Variants in ZC3H13 observed in about 807,000 individuals in gnomAD.
ZC3H13 encodes the protein zinc finger CCCH domain-containing protein 13.
ZC3H13 carries 64 observed loss-of-function variants against 204.1 expected under a neutral mutation model. That is an observed-to-expected ratio of 0.31 (90% CI 0.26 to 0.39). The LOEUF (loss-of-function observed/expected upper bound fraction) is 0.39. Among genes scored for constraint, ZC3H13 ranks in the 10% least tolerant of loss-of-function variants. The probability of loss-of-function intolerance (pLI) is 1.00; values close to 1 mark genes in which losing one functional copy is unlikely to be tolerated. For synonymous variants in ZC3H13, 667 were observed against 693.7 expected (o/e 0.96, Z 0.60); for missense variants, 1,833 against 2,082.7 (o/e 0.88, Z 2.33).
intron 8 of ZC3H13, among the ~76,000 whole-genome samples, chr13:45,998,070 C>T (rs1039219601): frequency 1.3e-5 from 2 of 152,182 alleles, no homozygotes; most frequent in African/African-American, 2.4e-5. Context: ...ACTACTAATA[C>T]GCCCATTATG....
chr13:46,022,958 T>C (rs1280445431), intron 4 of ZC3H13, among the ~76,000 whole-genome samples: 1 of 152,174 alleles, frequency 6.6e-6, no homozygotes, highest in Admixed American at 6.5e-5. Context: ...TACATGATTT[T>C]AGATGTTTAT....
At chr13:46,039,184 T>A (rs956965130) in intron 4 of ZC3H13, among the ~76,000 whole-genome samples, 1 of 152,172 alleles carries the variant, frequency 6.6e-6, no homozygotes, top group Non-Finnish European at 1.5e-5. Context: ...GGCTTTCTCA[T>A]CTAGGGAAAG....
intron 4 of ZC3H13, among the ~76,000 whole-genome samples, chr13:46,036,847 T>C (rs1159349638): frequency 3.3e-5 from 5 of 152,024 alleles, no homozygotes; most frequent in Non-Finnish European, 4.4e-5. Context: ...GCCTCCCGAG[T>C]AGCTGGGATT....
chr13:46,011,620 CTTT>C, intron 5 of ZC3H13, 66 bp from the exon 6 acceptor site: 1 of 1,259,724 alleles, frequency 7.9e-7, no homozygotes, highest in Non-Finnish European at 1.1e-6. Flanking sequence ...ATCATACAGA[CTTT>C]TTTCAACTAA....
rs1029723471 is a variant in ZC3H13, at chr13:45,955,190, T to C, written c.*1937A>G. Reference sequence around the variant, plus strand: ...TGTTTTTCGGGAATACCAGTTTAACTGAGACTTTAATTATGGTCCAAGAGC... The same window carrying C: ...TGTTTTTCGGGAATACCAGTTTAACCGAGACTTTAATTATGGTCCAAGAGC... On this transcript the variant is annotated 3_prime_UTR_variant, in exon 19 of 19. Coordinates refer to ENST00000679008, the MANE Select transcript of ZC3H13 (RefSeq NM_001330564.2). 4 of 152,190 alleles carry C rather than the reference T, an allele frequency of 2.6e-5. No individual in the cohort carries two copies. The highest frequency in any genetic ancestry group is 1.9e-4 in the East Asian group (1 of 5,200). The allele number at this position is 152,190 out of a possible 1,614,324, so 9.4% of individuals were successfully genotyped here.
At chr13:46,020,352 A>G in intron 5 of ZC3H13, 97 bp downstream of exon 5, 2 of 859,602 alleles carry the variant, frequency 2.3e-6, no homozygotes, top group Non-Finnish European at 3.7e-6. Flanking sequence ...TTCTGAAACG[A>G]GAGGGATCAC....
intron 1 of ZC3H13, among the ~76,000 whole-genome samples, chr13:46,046,036 G>A (rs1006033619): frequency 6.6e-6 from 1 of 152,146 alleles, no homozygotes; most frequent in African/African-American, 2.4e-5. Flanking sequence ...AAATCAGGTT[G>A]AGAAAAATGA....
At chr13:46,032,032 G>A (rs2042929562) in intron 4 of ZC3H13, among the ~76,000 whole-genome samples, 1 of 152,098 alleles carries the variant, frequency 6.6e-6, no homozygotes, top group Admixed American at 6.5e-5. Flanking sequence ...ATGTCCTTTG[G>A]TAGGTCAATG....
chr13:45,987,838 C>T lies in ZC3H13; in HGVS notation c.1255+949G>A, dbSNP rs77937529. 8.5e-3 allele frequency among the ~76,000 whole-genome samples: 1,294 copies of T among 152,210 alleles called. 18 individuals carry two copies. Among genetic ancestry groups the T allele is most frequent in the African/African-American group, 0.029 (1,213 of 41,526 alleles). On this transcript the variant is annotated intron_variant, in intron 9 of 18. Coordinates refer to ENST00000679008, the MANE Select transcript of ZC3H13 (RefSeq NM_001330564.2). ...AGAAAACAGACTTATTAAGTTGAAT[C>T]TACGAAGACCAGAAGCTTAGACAAG...
At chr13:46,050,557 T>C (rs2044331991) in intron 1 of ZC3H13, among the ~76,000 whole-genome samples, 1 of 152,190 alleles carries the variant, frequency 6.6e-6, no homozygotes, top group South Asian at 2.1e-4. Context: ...TCTGAATTTC[T>C]AAGATTAAAA....
At chr13:45,962,156 A>G (rs12585823) in intron 17 of ZC3H13, 72,173 of 985,054 alleles carry the variant, frequency 0.073, 2,967 homozygotes, top group East Asian at 0.2. Context: ...GAAAATATAG[A>G]TAGATAATTA....
At chr13:45,996,894 C>A (rs988417868) in intron 8 of ZC3H13, among the ~76,000 whole-genome samples, 3 of 152,124 alleles carry the variant, frequency 2.0e-5, no homozygotes, top group African/African-American at 7.2e-5. Context: ...AGAAGAAATT[C>A]ATGCATAGTA....
At position 45,969,567 on chromosome 13, in the gene ZC3H13, A is replaced by G; in HGVS notation, c.2977T>C (p.Ser993Pro). The stretch of plus-strand genomic sequence containing the variant: ...TTCTTTTTCTGTCCTTTTTTTGGTG[A>G]AAATACTTGACCATCTTCAGATGTT... ...ETTSEDGQVF[S>P]PKKGQKKKSI... The change falls in exon 14 of 19, where the codon TCA becomes CCA. Residue 993 changes from serine (S) to proline (P), a missense_variant. Physicochemically the swap from Ser to Pro is moderately conservative, Grantham distance 74. This residue lies in a region of ZC3H13 where 1,574 missense variants were observed against 1,757.2 expected (regional missense o/e 0.90). Coordinates refer to ENST00000679008, the MANE Select transcript of ZC3H13 (RefSeq NM_001330564.2). 1 of 1,609,240 alleles carries G rather than the reference A, an allele frequency of 6.2e-7. No individual in the cohort carries two copies. Among genetic ancestry groups the G allele is most frequent in the African/African-American group, 1.3e-5 (1 of 74,332 alleles).
At chr13:45,995,235 T>C (rs2040248349) in intron 8 of ZC3H13, among the ~76,000 whole-genome samples, 1 of 152,192 alleles carries the variant, frequency 6.6e-6, no homozygotes, top group African/African-American at 2.4e-5. Context: ...CTGAAAATAC[T>C]TGAGAACAGC....
intron 8 of ZC3H13, among the ~76,000 whole-genome samples, chr13:45,995,904 G>C (rs2040299298): frequency 6.6e-6 from 1 of 152,152 alleles, no homozygotes; most frequent in Admixed American, 6.5e-5. Flanking sequence ...TCTACACTCA[G>C]GTAATTGTGT....
In ZC3H13 at chr13:45,969,248, G is replaced by A; in HGVS notation, c.3296C>T (p.Ser1099Phe). 3 of 1,614,080 alleles carry A rather than the reference G, an allele frequency of 1.9e-6. No individual in the cohort carries two copies. Among genetic ancestry groups the A allele is most frequent in the Non-Finnish European group, 2.5e-6 (3 of 1,180,020 alleles). ...TPGSTPSPLS[S>F]LLPPPPPVAT... Reference sequence around the variant, plus strand: ...CACAGGCGGTGGAGGAGGAAGAAGAGAAGATAGAGGAGAAGGGGTACTACC... The same window carrying A: ...CACAGGCGGTGGAGGAGGAAGAAGAAAAGATAGAGGAGAAGGGGTACTACC... The change falls in exon 14 of 19, where the codon TCT becomes TTT. Residue 1099 changes from serine to phenylalanine, a missense_variant. Physicochemically the swap from Ser to Phe is radical, Grantham distance 155 (BLOSUM62 -2). Transcript: ENST00000679008.
rs868847566 is a variant in ZC3H13, at chr13:45,975,620, GCT to G, written c.2129_2130del (p.Glu710AlafsTer3). The G allele has an allele frequency of 6.4e-7, 1 of 1,573,884 alleles. No individual in the cohort carries two copies. The highest frequency in any genetic ancestry group is 8.6e-7 in the Non-Finnish European group (1 of 1,159,616). On this transcript the variant is annotated frameshift_variant, in exon 12 of 19. Transcript: ENST00000679008. LOFTEE classifies it high-confidence loss of function. ...CTTTCTCTCTCCCGTTCCCTAGCAC[GCT>G]CTCTTTCTAGTTCTCTCTCTTTTTC... ...EREKERELERERARERERERE... is the reference protein window; with the variant it reads ...EREKERELERXRARERERERE...
At chr13:46,018,276 G>A (rs1329196114) in intron 5 of ZC3H13, among the ~76,000 whole-genome samples, 1 of 152,114 alleles carries the variant, frequency 6.6e-6, no homozygotes, top group East Asian at 1.9e-4. Context: ...AGTTTTAGTG[G>A]AGAGTTGGGT....
intron 4 of ZC3H13, among the ~76,000 whole-genome samples, chr13:46,038,117 TGA>T (rs747316775): frequency 2.6e-5 from 4 of 152,188 alleles, no homozygotes; most frequent in African/African-American, 4.8e-5. Context: ...TGCTAAACTG[TGA>T]GTTTGGCACA....
Sources: gnomAD v4.1 joint callset for allele counts (sites outside exome capture counted in the v4.1 genomes callset) on GRCh38, gnomAD v4.1.1 for gene constraint, gnomAD v4.1.1 regional missense constraint, MANE v1.5 for transcripts, NCBI Gene and HGNC (gene_info 2026-07-23, HGNC 2026-07-21) for gene names.